Variants in ATG14 observed in about 807,000 individuals in gnomAD.
ATG14 encodes autophagy related 14.
In ATG14, 35 loss-of-function variants were observed where a neutral mutation model predicts 60.4. The observed-to-expected ratio is 0.58, with a 90% CI of 0.44 to 0.77. The LOEUF (loss-of-function observed/expected upper bound fraction) is 0.77, where lower values mean the gene tolerates loss of function less well. Among genes scored for constraint, ATG14 ranks in the 30% least tolerant of loss-of-function variants. The pLI, the probability that ATG14 is intolerant of heterozygous loss-of-function variation, is 0.00. For synonymous variants in ATG14, 234 were observed against 228.8 expected (o/e 1.02, Z -0.21); for missense variants, 647 against 626.3 (o/e 1.03, Z -0.35).
rs1884756351 is a variant in ATG14 at position 55,369,288 on chromosome 14, T to TGGGCCCGG, written c.*323_*330dup. On this transcript the variant is annotated 3_prime_UTR_variant, in exon 10 of 10. Coordinates refer to ENST00000247178, the MANE Select transcript of ATG14 (RefSeq NM_014924.5). ...GGACCAGCACACTGACCCATATCTG[T>TGGGCCCGG]GGGCCCGGTGGCCCGGGCCCAGAGG... The TGGGCCCGG allele has an allele frequency of 5.2e-6, 1 of 191,330 alleles. No homozygotes were observed. The highest frequency in any genetic ancestry group is 5.9e-5 in the Admixed American group (1 of 17,052). 11.9% of individuals were successfully genotyped at this position (191,330 alleles called of 1,614,324 possible).
intron 1 of ATG14, 89 bp from the exon 2 acceptor site, chr14:55,397,523 C>CAG: frequency 9.7e-7 from 1 of 1,026,616 alleles, no homozygotes; most frequent in East Asian, 2.5e-5. Flanking sequence ...AATCATTCTG[C>CAG]AGAGTCATGT....
rs1361329006 is a variant in ATG14, at chr14:55,391,311, TAA to T, written c.328-321_328-320del. ...CAACATGGTGAAACCCCATCTCTAC[TAA>T]AAAAATACAAAAATTAGCTGGGCGT... On this transcript the variant is annotated intron_variant, in intron 3 of 9. Transcript: ENST00000247178. 3.3e-5 allele frequency: 6 copies of T among 179,210 alleles called. No individual in the cohort carries two copies. In the East Asian group the frequency reaches 5.3e-4, roughly 16 times the overall value. 11.1% of individuals were successfully genotyped at this position (179,210 alleles called of 1,614,324 possible).
chr14:55,397,414 C>A lies in ATG14; in HGVS notation c.242G>T (p.Arg81Met). The change falls in exon 2 of 10, where the codon AGG becomes ATG. Residue 81 changes from arginine (R) to methionine (M), a missense_variant. Arg to Met is a moderately conservative substitution (Grantham distance 91). Coordinates refer to ENST00000247178, the MANE Select transcript of ATG14 (RefSeq NM_014924.5). ...TTGCTTGCTCTTAAGTCGGCTTAAC[C>A]TTTCCTTCTTGTCGATAAACCTGTA... ...DRERFIDKKERLSRLKSKQEE... is the reference protein window; with the variant it reads ...DRERFIDKKEMLSRLKSKQEE... 2 of 1,613,166 alleles carry A rather than the reference C, an allele frequency of 1.2e-6. No homozygotes were observed. Among genetic ancestry groups the A allele is most frequent in the Non-Finnish European group, 1.7e-6 (2 of 1,179,294 alleles).
At chr14:55,375,809 C>T (rs1393757749) in intron 9 of ATG14, among the ~76,000 whole-genome samples, 1 of 152,186 alleles carries the variant, frequency 6.6e-6, no homozygotes, top group Non-Finnish European at 1.5e-5. Flanking sequence ...GTTAACACAG[C>T]ACTGATAGTA....
intron 6 of ATG14, among the ~76,000 whole-genome samples, 163 bp from the exon 7 acceptor site, chr14:55,380,853 GTGTATA>G (rs1434313769): frequency 9.3e-6 from 1 of 108,032 alleles, no homozygotes; most frequent in African/African-American, 4.6e-5. Context: ...CATTCTTTGT[GTGTATA>G]TATATATATA....
chr14:55,404,370 C>T lies in ATG14; in HGVS notation c.222-6936G>A, dbSNP rs1007565782. Among the ~76,000 whole-genome samples the T allele has an allele frequency of 5.3e-5, 8 of 152,308 alleles. No individual in the cohort carries two copies. In the East Asian group the frequency reaches 1.4e-3, roughly 26 times the overall value. On this transcript the variant is annotated intron_variant, in intron 1 of 9. Transcript: ENST00000247178. Reference sequence around the variant, plus strand: ...TTCTAAAAGAAAACACATGCTCTCTCTTAATCCTTACACTGCCCTCTGGGA... The same window carrying T: ...TTCTAAAAGAAAACACATGCTCTCTTTTAATCCTTACACTGCCCTCTGGGA...
intron 1 of ATG14, among the ~76,000 whole-genome samples, chr14:55,411,270 G>C (rs1885566595): frequency 1.3e-5 from 2 of 152,228 alleles, no homozygotes; most frequent in Non-Finnish European, 2.9e-5. Flanking sequence ...AGTACATACA[G>C]CAAAGAGCTG....
In ATG14 at chr14:55,393,242, G is replaced by A. The variant is rs187707187; in HGVS notation, c.328-2250C>T. Among the ~76,000 whole-genome samples the A allele has an allele frequency of 1.6e-4, 24 of 152,112 alleles. No individual in the cohort carries two copies. The East Asian group carries it at 3.3e-3, about 21-fold the overall frequency. On this transcript the variant is annotated intron_variant, in intron 3 of 9. Coordinates refer to ENST00000247178, the MANE Select transcript of ATG14 (RefSeq NM_014924.5). The stretch of plus-strand genomic sequence containing the variant: ...TAAAAAAACACAAAAAAACTTAGCC[G>A]GGCGTGGTGGTGGGCGCCTGTAGTC...
chr14:55,369,517 T>C lies in ATG14; in HGVS notation c.*102A>G. 1.7e-6 allele frequency: 2 copies of C among 1,161,152 alleles called. No individual in the cohort carries two copies. Among genetic ancestry groups the C allele is most frequent in the Non-Finnish European group, 2.4e-6 (2 of 849,464 alleles). The allele number at this position is 1,161,152 out of a possible 1,614,324, so 71.9% of individuals were successfully genotyped here. On this transcript the variant is annotated 3_prime_UTR_variant, in exon 10 of 10. Transcript: ENST00000247178. ...AAAACAAAACAACACTTTAACCTCT[T>C]TGTTCCAGACACTATCTTAACTTAA...
At chr14:55,409,689 A>G (rs531529001) in intron 1 of ATG14, among the ~76,000 whole-genome samples, 2 of 152,218 alleles carry the variant, frequency 1.3e-5, no homozygotes, top group Non-Finnish European at 2.9e-5. Flanking sequence ...CAAGGAGGCC[A>G]CAGTGGCACA....
intron 1 of ATG14, among the ~76,000 whole-genome samples, chr14:55,407,407 G>A (rs12885245): frequency 0.23 from 34,324 of 152,022 alleles, 4,124 homozygotes; most frequent in South Asian, 0.27. Flanking sequence ...GGGATTACAG[G>A]CGTGAGCCAC....
chr14:55,376,487 TA>T (rs1219665157), intron 9 of ATG14, among the ~76,000 whole-genome samples: 1 of 152,128 alleles, frequency 6.6e-6, no homozygotes, highest in African/African-American at 2.4e-5. Flanking sequence ...ACATTGTAAG[TA>T]TATGTGCAGT....
At chr14:55,395,621 T>A (rs569290881) in intron 3 of ATG14, among the ~76,000 whole-genome samples, 1 of 152,366 alleles carries the variant, frequency 6.6e-6, no homozygotes, top group Non-Finnish European at 1.5e-5. Context: ...ATATTTTCTT[T>A]GACACATTTA....
intron 5 of ATG14, 35 bp from the exon 6 acceptor site, chr14:55,382,226 G>A (rs1294343521): frequency 1.9e-6 from 3 of 1,603,278 alleles, no homozygotes; most frequent in Non-Finnish European, 2.6e-6. Flanking sequence ...ATTTTCAAGA[G>A]AGAGGGTTTT....
chr14:55,404,558 G>A (rs992681726), intron 1 of ATG14, among the ~76,000 whole-genome samples: 3 of 152,132 alleles, frequency 2.0e-5, no homozygotes, highest in South Asian at 4.1e-4. Context: ...CAAAAGAGAC[G>A]AGATTATGAA....
chr14:55,395,943 C>A lies in ATG14; in HGVS notation c.324G>T (p.Gln108His), dbSNP rs1429801235. ...KAMEGKWITD[Q>H]LRWKIMSCKM... ...AAGAACATGTATTACAACTTACCAACTGATCTGTTATCCATTTTCCTTCCA... is the reference window on the plus strand; with the variant it reads ...AAGAACATGTATTACAACTTACCAAATGATCTGTTATCCATTTTCCTTCCA... Residue 108 changes from glutamine to histidine, a missense_variant, in exon 3 of 10, where the codon CAG becomes CAT. Physicochemically the swap from Gln to His is conservative, Grantham distance 24. Transcript: ENST00000247178. The A allele has an allele frequency of 6.3e-7, 1 of 1,590,924 alleles. No homozygotes were observed. The highest frequency in any genetic ancestry group is 8.5e-7 in the Non-Finnish European group (1 of 1,170,196).
chr14:55,397,254 G>A, intron 2 of ATG14, 118 bp downstream of exon 2: 4 of 884,678 alleles, frequency 4.5e-6, no homozygotes, highest in South Asian at 4.3e-5. Context: ...CACTTTAAGA[G>A]GTTGTATCCT....
At chr14:55,390,800 T>G in intron 4 of ATG14, 111 bp downstream of exon 4, 1 of 707,580 alleles carries the variant, frequency 1.4e-6, no homozygotes, top group South Asian at 1.8e-5. Context: ...ATTCTCCAAG[T>G]TGCCACTGCC....
chr14:55,374,005 T>G (rs1884871895), intron 9 of ATG14, among the ~76,000 whole-genome samples: 1 of 152,084 alleles, frequency 6.6e-6, no homozygotes, highest in African/African-American at 2.4e-5. Context: ...ACAGCCTAAT[T>G]GTGTGTGCAA....
Sources: allele counts gnomAD v4.1 joint callset (sites outside exome capture counted in the v4.1 genomes callset), GRCh38; gene constraint gnomAD v4.1.1; transcripts MANE v1.5; gene names NCBI Gene and HGNC (gene_info 2026-07-23, HGNC 2026-07-21).